LIN28B: variants seen among roughly 807,000 people sequenced by gnomAD.
LIN28B encodes the protein lin-28 RNA binding posttranscriptional regulator B, also known as protein lin-28 homolog B.
In LIN28B, 5 loss-of-function variants were observed where a neutral mutation model predicts 21.9. The ratio of observed to expected loss-of-function variants is 0.23; its 90% CI spans 0.12 to 0.48. The LOEUF (loss-of-function observed/expected upper bound fraction) is 0.48, where lower values mean the gene tolerates loss of function less well. Among genes scored for constraint, LIN28B ranks in the 20% least tolerant of loss-of-function variants. LIN28B has a pLI of 0.98. For synonymous variants in LIN28B, 109 were observed against 111.3 expected, an observed-to-expected ratio of 0.98 and a Z score of 0.13; for missense variants, 245 against 310.5, an observed-to-expected ratio of 0.79 and a Z score of 1.58.
intron 2 of LIN28B, among the ~76,000 whole-genome samples, chr6:104,991,865 A>AC (rs908392380): frequency 1.3e-5 from 2 of 152,110 alleles, no homozygotes; most frequent in African/African-American, 4.8e-5. Flanking sequence ...ATACGAAAAC[A>AC]GTCGGGGTGG....
At chr6:105,067,496 A>G (rs1341679865) in intron 3 of LIN28B, among the ~76,000 whole-genome samples, 1 of 152,196 alleles carries the variant, frequency 6.6e-6, no homozygotes, top group Non-Finnish European at 1.5e-5. Flanking sequence ...GTCCTATTTC[A>G]TAACAAACTG....
At chr6:105,074,702 GTTTAT>G (rs1246483939) in intron 3 of LIN28B, among the ~76,000 whole-genome samples, 1 of 151,752 alleles carries the variant, frequency 6.6e-6, no homozygotes, top group Non-Finnish European at 1.5e-5. Flanking sequence ...GAACATTTTT[GTTTAT>G]TTTATCTTTG....
intron 2 of LIN28B, among the ~76,000 whole-genome samples, chr6:105,018,799 A>G (rs148365346): frequency 5.7e-4 from 86 of 152,128 alleles, no homozygotes; most frequent in African/African-American, 1.8e-3. Context: ...AGTCATTTCA[A>G]AATTTTCTGA....
intron 2 of LIN28B, among the ~76,000 whole-genome samples, chr6:104,991,414 G>A (rs1174016765): frequency 3.3e-5 from 5 of 151,008 alleles, no homozygotes; most frequent in Non-Finnish European, 5.9e-5. Flanking sequence ...CATCCCAGAC[G>A]GGGCGGCGGG....
chr6:104,947,865 A>T (rs1582857244), intron 2 of LIN28B, among the ~76,000 whole-genome samples: 1 of 152,022 alleles, frequency 6.6e-6, no homozygotes, highest in African/African-American at 2.4e-5. Flanking sequence ...ATGAATACAA[A>T]ATAATGCCAG....
intron 2 of LIN28B, among the ~76,000 whole-genome samples, chr6:104,963,488 T>C (rs1769797189): frequency 6.6e-6 from 1 of 152,236 alleles, no homozygotes; most frequent in Admixed American, 6.5e-5. Flanking sequence ...AATTTAAATG[T>C]GAAATGTGAA....
At chr6:105,015,653 AT>A (rs1771012767) in intron 2 of LIN28B, among the ~76,000 whole-genome samples, 1 of 152,118 alleles carries the variant, frequency 6.6e-6, no homozygotes, top group Non-Finnish European at 1.5e-5. Context: ...TTAAAATTCC[AT>A]TTTAGTTTAT....
intron 2 of LIN28B, among the ~76,000 whole-genome samples, chr6:105,020,919 A>AT (rs879924504): frequency 2.4e-4 from 36 of 150,292 alleles, no homozygotes; most frequent in Non-Finnish European, 3.9e-4. Context: ...CGCCCGGCTA[A>AT]TTTTTTTTTG....
intron 2 of LIN28B, among the ~76,000 whole-genome samples, chr6:104,966,288 G>C (rs1343040568): frequency 6.6e-6 from 1 of 152,124 alleles, no homozygotes; most frequent in African/African-American, 2.4e-5. Context: ...GTTCTTATGG[G>C]TAAAATGTGA....
At chr6:104,983,802 C>T (rs1412367430) in intron 2 of LIN28B, among the ~76,000 whole-genome samples, 1 of 152,150 alleles carries the variant, frequency 6.6e-6, no homozygotes, top group African/African-American at 2.4e-5. Flanking sequence ...TCTCAAACTC[C>T]TGACCTCAAG....
intron 2 of LIN28B, among the ~76,000 whole-genome samples, chr6:104,973,879 T>G (rs1247593358): frequency 1.3e-5 from 2 of 152,204 alleles, no homozygotes; most frequent in Non-Finnish European, 2.9e-5. Flanking sequence ...TTTCCAACAT[T>G]GAAGAAGAAA....
At chr6:105,064,805 A>T (rs1582928789) in intron 3 of LIN28B, among the ~76,000 whole-genome samples, 1 of 152,194 alleles carries the variant, frequency 6.6e-6, no homozygotes, top group East Asian at 1.9e-4. Flanking sequence ...CTCTTGTTCC[A>T]CTAAGAGAAT....
chr6:104,954,434 G>T (rs1053281624), upstream of LIN28B, among the ~76,000 whole-genome samples: 13 of 152,154 alleles, frequency 8.5e-5, no homozygotes, highest in African/African-American at 3.1e-4. Flanking sequence ...TGATTATTTT[G>T]TGTTTCTCAA....
chr6:105,032,210 A>T (rs975051758), intron 3 of LIN28B, among the ~76,000 whole-genome samples: 3 of 152,146 alleles, frequency 2.0e-5, no homozygotes, highest in Non-Finnish European at 4.4e-5. Context: ...TGTGACAATT[A>T]TGAATAGAAC....
chr6:105,039,028 A>G (rs1470209684), intron 3 of LIN28B, among the ~76,000 whole-genome samples: 2 of 152,206 alleles, frequency 1.3e-5, no homozygotes, highest in African/African-American at 4.8e-5. Context: ...ACTTCTGGGT[A>G]GATTTTTCAT....
At chr6:104,938,104 C>CA (rs1428070315) in intron 2 of LIN28B, among the ~76,000 whole-genome samples, 7 of 89,130 alleles carry the variant, frequency 7.9e-5, no homozygotes, top group Non-Finnish European at 1.2e-4. Flanking sequence ...CCAAAAAAAA[C>CA]AAAAAAATTA....
chr6:104,977,119 C>G (rs1015747813), intron 2 of LIN28B, among the ~76,000 whole-genome samples: 3 of 151,914 alleles, frequency 2.0e-5, no homozygotes, highest in African/African-American at 7.3e-5. Context: ...ATCTTGTACT[C>G]CGAGACTCAA....
intron 2 of LIN28B, among the ~76,000 whole-genome samples, chr6:105,016,439 G>A (rs1476393268): frequency 6.6e-6 from 1 of 152,124 alleles, no homozygotes; most frequent in Non-Finnish European, 1.5e-5. Flanking sequence ...ATGTTGTTGA[G>A]GGACATTTGA....
At chr6:105,009,080 G>A (rs1770872859) in intron 2 of LIN28B, among the ~76,000 whole-genome samples, 1 of 152,090 alleles carries the variant, frequency 6.6e-6, no homozygotes, top group Non-Finnish European at 1.5e-5. Context: ...TGTGTGAATG[G>A]CTGTGCACAA....
Sources: allele counts gnomAD v4.1 joint callset (sites outside exome capture counted in the v4.1 genomes callset), GRCh38; gene constraint gnomAD v4.1.1; transcripts MANE v1.5; gene names NCBI Gene and HGNC (gene_info 2026-07-23, HGNC 2026-07-21).